UHRF2: variants seen among roughly 807,000 people sequenced by gnomAD.
UHRF2 encodes E3 ubiquitin-protein ligase UHRF2.
In UHRF2, 23 loss-of-function variants were observed where a neutral mutation model predicts 96.8. The observed-to-expected ratio is 0.24, with a 90% CI of 0.17 to 0.34. UHRF2 has a LOEUF of 0.34. Ranked by LOEUF, UHRF2 falls within the 10% of genes least tolerant of loss-of-function variation. The pLI is 1.00. For missense variants in UHRF2, 685 were observed against 981.5 expected (o/e 0.70, Z 4.04); for synonymous variants, 385 against 332.6 (o/e 1.16, Z -1.72).
At chr9:6,417,604 G>C (rs558661254) in intron 1 of UHRF2, among the ~76,000 whole-genome samples, 1 of 152,254 alleles carries the variant, frequency 6.6e-6, no homozygotes, top group East Asian at 1.9e-4. Context: ...TTGTTATTGC[G>C]GTAGATAAAT....
At chr9:6,430,322 A>G (rs1241879881) in intron 2 of UHRF2, among the ~76,000 whole-genome samples, 1 of 152,154 alleles carries the variant, frequency 6.6e-6, no homozygotes, top group Non-Finnish European at 1.5e-5. Context: ...TAATGTGGCT[A>G]TATCTTTGAT....
At chr9:6,451,367 A>T (rs1821849393) in intron 3 of UHRF2, among the ~76,000 whole-genome samples, 1 of 152,176 alleles carries the variant, frequency 6.6e-6, no homozygotes, top group African/African-American at 2.4e-5. Flanking sequence ...GTGACACATT[A>T]CATAGTTCTG....
Position 6,413,648 on chromosome 9 carries a change from G to T in UHRF2, c.153+5G>T. On this transcript the variant is annotated splice_donor_5th_base_variant and intron_variant, in intron 1 of 15. Transcript: ENST00000276893. ...CTCTTCTACCGGGGCAAGCAGGTGA[G>T]GCGCGCCCGCCGCGCCCCTAGCGAG... The T allele has an allele frequency of 6.4e-7, 1 of 1,562,608 alleles. No individual in the cohort carries two copies. The highest frequency in any genetic ancestry group is 8.6e-7 in the Non-Finnish European group (1 of 1,158,538).
chr9:6,482,229 G>C (rs1354389841), intron 8 of UHRF2, 130 bp downstream of exon 8: 2 of 774,338 alleles, frequency 2.6e-6, no homozygotes, highest in Non-Finnish European at 2.1e-6. Context: ...TATTTTTTAG[G>C]ATGGGTGTAC....
At chr9:6,442,992 A>G (rs1024677224) in intron 3 of UHRF2, among the ~76,000 whole-genome samples, 2 of 152,138 alleles carry the variant, frequency 1.3e-5, no homozygotes, top group African/African-American at 4.8e-5. Context: ...TATTTAACTT[A>G]GTGGTCTAAT....
In UHRF2 at chr9:6,413,438, C is replaced by T. The variant is rs1819405699; in HGVS notation, c.-53C>T. ...GCGGCGCGGGCCGGGCGGGGCGCGGCGCCCAGAGCTCAGGGGGAGACAAAG... is the reference window on the plus strand; with the variant it reads ...GCGGCGCGGGCCGGGCGGGGCGCGGTGCCCAGAGCTCAGGGGGAGACAAAG... On this transcript the variant is annotated 5_prime_UTR_variant, in exon 1 of 16. Coordinates refer to ENST00000276893, the MANE Select transcript of UHRF2 (RefSeq NM_152896.3). 9.8e-6 allele frequency: 13 copies of T among 1,323,184 alleles called. No individual in the cohort carries two copies. Among genetic ancestry groups the T allele is most frequent in the East Asian group, 2.9e-5 (1 of 34,676 alleles). The allele number at this position is 1,323,184 out of a possible 1,614,324, so 82.0% of individuals were successfully genotyped here. A position where few individuals can be genotyped will look rare whatever the true frequency, so the allele number is the denominator to read the frequency against.
chr9:6,420,772 CATTAAGT>C, intron 1 of UHRF2, 133 bp from the exon 2 acceptor site: 1 of 641,228 alleles, frequency 1.6e-6, no homozygotes, highest in East Asian at 2.8e-5. Flanking sequence ...CATCAGAGGC[CATTAAGT>C]ATTAAGAATG....
intron 4 of UHRF2, among the ~76,000 whole-genome samples, chr9:6,465,794 A>G (rs1295907741): frequency 1.3e-5 from 2 of 152,160 alleles, no homozygotes; most frequent in Admixed American, 6.5e-5. Flanking sequence ...TGCCTTGGAG[A>G]TTTGATAAGG....
intron 4 of UHRF2, among the ~76,000 whole-genome samples, chr9:6,467,085 G>C (rs1045141983): frequency 1.3e-5 from 2 of 152,158 alleles, no homozygotes; most frequent in African/African-American, 4.8e-5. Flanking sequence ...GTACAGTTTG[G>C]AGGTTAGAAA....
At chr9:6,488,241 C>T (rs1303533473) in intron 9 of UHRF2, among the ~76,000 whole-genome samples, 1 of 102,808 alleles carries the variant, frequency 9.7e-6, no homozygotes, top group Non-Finnish European at 1.8e-5. Flanking sequence ...AGAGCAAGAC[C>T]CTGTCTCCTT....
intron 1 of UHRF2, among the ~76,000 whole-genome samples, chr9:6,415,922 A>C (rs1321060084): frequency 1.3e-5 from 2 of 152,246 alleles, no homozygotes; most frequent in African/African-American, 4.8e-5. Flanking sequence ...CAGGACCAGC[A>C]GCATTAGCTT....
intron 8 of UHRF2, among the ~76,000 whole-genome samples, chr9:6,484,073 CTT>C (rs1002624016): frequency 3.5e-4 from 48 of 135,502 alleles, no homozygotes; most frequent in Admixed American, 4.4e-4. Context: ...TTCTTTCTTT[CTT>C]TTTTTTTTTT....
Position 6,500,743 on chromosome 9 carries a change from G to C in UHRF2, c.2163+34G>C, listed in dbSNP as rs750475658. ...AGATTTTTTTAAATAATAACATTCT[G>C]ATATTAACAAATGATAAATAATTGT... On this transcript the variant is annotated intron_variant, in intron 14 of 15. Transcript: ENST00000276893. The C allele has an allele frequency of 1.9e-5, 30 of 1,558,826 alleles. No individual in the cohort carries two copies. In the East Asian group the frequency reaches 5.5e-4, roughly 28 times the overall value.
Position 6,434,285 on chromosome 9 carries a change from A to T in UHRF2, c.644+112A>T, listed in dbSNP as rs941124957. On this transcript the variant is annotated intron_variant, in intron 3 of 15. Transcript: ENST00000276893. ...TTTCTGAAGAAATCCTTTAGAGGTT[A>T]TGTTCATTTGTTACTTTTTGGTTTT... 2.3e-6 allele frequency: 3 copies of T among 1,326,110 alleles called. No individual in the cohort carries two copies. The African/African-American group carries it at 4.4e-5, about 20-fold the overall frequency. The allele number at this position is 1,326,110 out of a possible 1,614,324, so 82.1% of individuals were successfully genotyped here.
At chr9:6,430,082 C>T (rs1045843110) in intron 2 of UHRF2, among the ~76,000 whole-genome samples, 3 of 152,218 alleles carry the variant, frequency 2.0e-5, no homozygotes, top group Non-Finnish European at 4.4e-5. Context: ...ACAATATTGG[C>T]CCATTACAAC....
chr9:6,469,471 T>C (rs1286506949), intron 4 of UHRF2, among the ~76,000 whole-genome samples: 2 of 151,882 alleles, frequency 1.3e-5, no homozygotes, highest in African/African-American at 4.8e-5. Flanking sequence ...TGAGCCAAGA[T>C]TGCGCCACTG....
chr9:6,429,653 C>G (rs1051120959), intron 2 of UHRF2, among the ~76,000 whole-genome samples: 1 of 152,122 alleles, frequency 6.6e-6, no homozygotes, highest in Non-Finnish European at 1.5e-5. Context: ...TTTAATGAGT[C>G]TTAACATTGA....
At chr9:6,460,430 A>T (rs750858559) in intron 3 of UHRF2, 143 bp from the exon 4 acceptor site, 31 of 637,162 alleles carry the variant, frequency 4.9e-5, no homozygotes, top group Non-Finnish European at 7.6e-5. Flanking sequence ...ATGAAGTAAT[A>T]ACACCTGCTA....
At chr9:6,480,268 A>T (rs775483308) in intron 6 of UHRF2, among the ~76,000 whole-genome samples, 1 of 152,152 alleles carries the variant, frequency 6.6e-6, no homozygotes, top group African/African-American at 2.4e-5. Context: ...CTCTTGTCAC[A>T]TATAACCCTG....
Sources: gnomAD v4.1 joint callset for allele counts (sites outside exome capture counted in the v4.1 genomes callset) on GRCh38, gnomAD v4.1.1 for gene constraint, MANE v1.5 for transcripts, NCBI Gene and HGNC (gene_info 2026-07-23, HGNC 2026-07-21) for gene names.